TESC: variants seen among roughly 807,000 people sequenced by gnomAD.
TESC encodes the protein tescalcin, also known as calcineurin B homologous protein 3.
Under a neutral mutation model 31.0 loss-of-function variants are expected in TESC, and 19 were observed. That is an observed-to-expected ratio of 0.61 (90% CI 0.43 to 0.90). The LOEUF is 0.90. Ranked by LOEUF, TESC falls within the 40% of genes least tolerant of loss-of-function variation. TESC has a pLI of 0.00. For missense variants in TESC, 248 were observed against 303.8 expected (o/e 0.82, Z 1.36); for synonymous variants, 109 against 114.8 (o/e 0.95, Z 0.32).
intron 3 of TESC, among the ~76,000 whole-genome samples, chr12:117,054,392 A>T (rs561573061): frequency 1.3e-5 from 2 of 151,894 alleles, no homozygotes; most frequent in African/African-American, 4.8e-5. Flanking sequence ...TGGTCCACAG[A>T]TGCTGTCCGA....
chr12:117,082,501 T>TAAA (rs780175960), intron 1 of TESC, among the ~76,000 whole-genome samples: 1 of 124,926 alleles, frequency 8.0e-6, no homozygotes, highest in African/African-American at 2.9e-5. Context: ...AGACTTTGTC[T>TAAA]AAAAAAAAAA....
At chr12:117,090,278 T>C (rs1039767201) in intron 1 of TESC, among the ~76,000 whole-genome samples, 1 of 152,100 alleles carries the variant, frequency 6.6e-6, no homozygotes, top group African/African-American at 2.4e-5. Context: ...TACTATGGAG[T>C]GATACAAATT....
chr12:117,079,136 T>C (rs1324278298), intron 1 of TESC, among the ~76,000 whole-genome samples: 1 of 152,228 alleles, frequency 6.6e-6, no homozygotes, highest in Non-Finnish European at 1.5e-5. Flanking sequence ...CATGTAGTTC[T>C]GTGTTTTGTT....
intron 1 of TESC, among the ~76,000 whole-genome samples, chr12:117,080,442 T>C (rs1183060056): frequency 2.0e-5 from 3 of 152,096 alleles, no homozygotes; most frequent in East Asian, 1.9e-4. Context: ...CACTCCAGCC[T>C]GGGTGATGGA....
intron 2 of TESC, among the ~76,000 whole-genome samples, chr12:117,071,723 G>A (rs1049597738): frequency 4.6e-5 from 7 of 152,160 alleles, no homozygotes; most frequent in African/African-American, 1.7e-4. Context: ...TGGGGTGGCA[G>A]GGCAGGACCA....
intron 6 of TESC, 80 bp from the exon 7 acceptor site, chr12:117,042,074 C>G: frequency 7.2e-7 from 1 of 1,387,920 alleles, no homozygotes; most frequent in Non-Finnish European, 9.9e-7. Flanking sequence ...CCACTGGCCT[C>G]CCCTCCCCAC....
chr12:117,055,912 C>CTT (rs201228990), intron 3 of TESC, among the ~76,000 whole-genome samples: 26 of 139,934 alleles, frequency 1.9e-4, no homozygotes, highest in Non-Finnish European at 2.6e-4. Flanking sequence ...TTTCCTTTTC[C>CTT]TTTTTTTTTT....
intron 2 of TESC, among the ~76,000 whole-genome samples, chr12:117,069,597 A>C (rs1372405374): frequency 6.6e-6 from 1 of 152,154 alleles, no homozygotes; most frequent in East Asian, 1.9e-4. Flanking sequence ...CGCAAAAGTA[A>C]GGCCTTGAAG....
At chr12:117,081,841 T>G (rs1955152807) in intron 1 of TESC, among the ~76,000 whole-genome samples, 1 of 150,942 alleles carries the variant, frequency 6.6e-6, no homozygotes, top group African/African-American at 2.4e-5. Flanking sequence ...GAGGTGGAGG[T>G]TGCAGCGAGC....
chr12:117,056,706 G>T, intron 3 of TESC, 100 bp downstream of exon 3: 1 of 1,330,146 alleles, frequency 7.5e-7, no homozygotes, highest in South Asian at 1.2e-5. Context: ...CCCCTCTTCT[G>T]GGCATCAGCT....
chr12:117,047,544 C>A (rs1183278611), intron 4 of TESC, among the ~76,000 whole-genome samples: 3 of 152,116 alleles, frequency 2.0e-5, no homozygotes, highest in African/African-American at 7.2e-5. Flanking sequence ...CCTGCTTCAG[C>A]CTCCTGAGTA....
At chr12:117,041,096 C>T (rs1175912806) in intron 7 of TESC, among the ~76,000 whole-genome samples, 1 of 152,230 alleles carries the variant, frequency 6.6e-6, no homozygotes, top group Non-Finnish European at 1.5e-5. Context: ...ATCAAAACGG[C>T]CAGGAGCAGG....
intron 4 of TESC, among the ~76,000 whole-genome samples, chr12:117,047,714 G>A (rs148346488): frequency 0.015 from 2,303 of 152,092 alleles, 53 homozygotes; most frequent in African/African-American, 0.051. Flanking sequence ...GTGAGCCACC[G>A]TGCTCAGCCG....
At chr12:117,041,155 G>A (rs999494853) in intron 7 of TESC, among the ~76,000 whole-genome samples, 4 of 152,200 alleles carry the variant, frequency 2.6e-5, no homozygotes, top group African/African-American at 9.7e-5. Context: ...CACTAGCAGA[G>A]GCTGGAGGAG....
chr12:117,090,162 TC>T (rs1428269758), intron 1 of TESC, among the ~76,000 whole-genome samples: 4 of 151,890 alleles, frequency 2.6e-5, no homozygotes, highest in Non-Finnish European at 4.4e-5. Flanking sequence ...CACTGAAAAA[TC>T]TACAGAAACA....
At chr12:117,081,396 C>T (rs771585017) in intron 1 of TESC, among the ~76,000 whole-genome samples, 4 of 151,968 alleles carry the variant, frequency 2.6e-5, no homozygotes, top group African/African-American at 4.8e-5. Flanking sequence ...AATGTGGCCA[C>T]GAGAAAATTT....
intron 1 of TESC, among the ~76,000 whole-genome samples, chr12:117,083,034 C>T (rs959779508): frequency 3.9e-5 from 6 of 151,944 alleles, no homozygotes; most frequent in Non-Finnish European, 8.8e-5. Context: ...TTGGTAGTTC[C>T]TCAATCAATT....
chr12:117,096,085 G>A (rs531220467), intron 1 of TESC, among the ~76,000 whole-genome samples: 19 of 152,236 alleles, frequency 1.2e-4, no homozygotes, highest in Non-Finnish European at 2.2e-4. Context: ...GAGCACCAGC[G>A]TGGAGCCTGA....
intron 2 of TESC, among the ~76,000 whole-genome samples, chr12:117,074,168 C>T (rs900467141): frequency 2.0e-5 from 3 of 151,860 alleles, no homozygotes; most frequent in African/African-American, 4.8e-5. Flanking sequence ...AAGACCAGCC[C>T]GAGCAACATA....
Sources: allele counts gnomAD v4.1 joint callset (sites outside exome capture counted in the v4.1 genomes callset), GRCh38; gene constraint gnomAD v4.1.1; transcripts MANE v1.5; gene names NCBI Gene and HGNC (gene_info 2026-07-23, HGNC 2026-07-21).